GTF2A1L: variants seen among roughly 807,000 people sequenced by gnomAD.
The protein encoded by GTF2A1L is general transcription factor IIA subunit 1 like.
A neutral mutation model predicts 49.7 loss-of-function variants in GTF2A1L; 48 were observed. The observed-to-expected ratio is 0.97, with a 90% CI of 0.77 to 1.23. The LOEUF is 1.23. GTF2A1L is among the 50% of genes most tolerant of loss of function. The pLI is 0.00. For missense variants in GTF2A1L, 736 were observed against 564.8 expected, an observed-to-expected ratio of 1.30 and a Z score of -3.07; for synonymous variants, 246 against 193.5, an observed-to-expected ratio of 1.27 and a Z score of -2.25.
chr2:48,664,051 C>T (rs1174869481), intron 6 of GTF2A1L, among the ~76,000 whole-genome samples: 13 of 151,858 alleles, frequency 8.6e-5, no homozygotes, highest in Admixed American at 8.5e-4. Flanking sequence ...TTTTGTAGAC[C>T]ATTTGGGGTT....
At chr2:48,658,987 C>T (rs937449519) in intron 6 of GTF2A1L, among the ~76,000 whole-genome samples, 1 of 152,056 alleles carries the variant, frequency 6.6e-6, no homozygotes, top group Non-Finnish European at 1.5e-5. Context: ...GTTGGAATTT[C>T]TTTCCTTTAA....
At chr2:48,663,879 C>T (rs1217189010) in intron 6 of GTF2A1L, among the ~76,000 whole-genome samples, 1 of 152,168 alleles carries the variant, frequency 6.6e-6, no homozygotes, top group Non-Finnish European at 1.5e-5. Flanking sequence ...TCCCAAAGTG[C>T]TGAGATTACA....
intron 3 of GTF2A1L, among the ~76,000 whole-genome samples, chr2:48,631,734 C>G (rs1297187038): frequency 6.6e-6 from 1 of 151,990 alleles, no homozygotes; most frequent in Non-Finnish European, 1.5e-5. Context: ...TCTAGTTCCT[C>G]TAGGTTTGAT....
chr2:48,646,123 A>C (rs933951440), intron 5 of GTF2A1L, among the ~76,000 whole-genome samples: 1 of 152,120 alleles, frequency 6.6e-6, no homozygotes, highest in African/African-American at 2.4e-5. Context: ...TTTGGCTGAT[A>C]ACATTAATTT....
At chr2:48,677,510 G>T (rs1189240407) in intron 8 of GTF2A1L, among the ~76,000 whole-genome samples, 6 of 152,072 alleles carry the variant, frequency 3.9e-5, no homozygotes, top group African/African-American at 1.4e-4. Flanking sequence ...AGCAGTAAGT[G>T]AGGAAAAATA....
chr2:48,646,880 A>G lies in GTF2A1L; in HGVS notation c.816A>G (p.Gln272=), dbSNP rs1916840. Residue 272 remains glutamine (Q), a synonymous_variant, in exon 6 of 9, where the codon CAA becomes CAG. Coordinates refer to ENST00000403751, the MANE Select transcript of GTF2A1L (RefSeq NM_006872.5). ...TCAGTGGTTCAGCTAGCATGGCTCA[A>G]AATCTGCATGATGAGTCCCTCTCCA... ...SVLSGSASMA[Q]NLHDESLSTS... is the part of the protein sequence containing the mutation. 2.4e-5 allele frequency: 39 copies of G among 1,614,258 alleles called. No homozygotes were observed. In the African/African-American group the frequency reaches 4.5e-4, roughly 19 times the overall value.
At chr2:48,626,581 C>CT (rs986694770) in intron 3 of GTF2A1L, among the ~76,000 whole-genome samples, 21 of 141,836 alleles carry the variant, frequency 1.5e-4, no homozygotes, top group African/African-American at 3.7e-4. Context: ...GTGTACATAT[C>CT]TTTTTTTTTG....
At chr2:48,619,109 G>C (rs1256232198) in intron 1 of GTF2A1L, among the ~76,000 whole-genome samples, 1 of 152,154 alleles carries the variant, frequency 6.6e-6, no homozygotes, top group Non-Finnish European at 1.5e-5. Context: ...AAATGTTACT[G>C]ATTGGCCTAT....
rs1675945340 is a variant in GTF2A1L at position 48,620,787 on chromosome 2, A to AG, written c.22-64_22-63insG. On this transcript the variant is annotated intron_variant, in intron 1 of 8. Transcript: ENST00000403751. ...GCATGACTCCATCTCAAGAATAAAT[A>AG]AATAAATAAATAAATAAATAAATAA... is the stretch of plus-strand genomic sequence containing the variant. 27 of 795,834 alleles carry AG rather than the reference A, an allele frequency of 3.4e-5. 1 individual carries two copies. Among genetic ancestry groups the AG allele is most frequent in the African/African-American group, 2.5e-4 (13 of 52,688 alleles). The allele number at this position is 795,834 out of a possible 1,614,324, so 49.3% of individuals were successfully genotyped here.
chr2:48,673,928 CA>C (rs1490382879), intron 8 of GTF2A1L, among the ~76,000 whole-genome samples: 1 of 152,042 alleles, frequency 6.6e-6, no homozygotes, highest in Admixed American at 6.5e-5. Flanking sequence ...TGGCCTGGTT[CA>C]GGGGAGAAGG....
At chr2:48,656,264 C>G (rs767644145) in intron 6 of GTF2A1L, among the ~76,000 whole-genome samples, 1 of 151,360 alleles carries the variant, frequency 6.6e-6, no homozygotes, top group Non-Finnish European at 1.5e-5. Flanking sequence ...CATACAGTTT[C>G]CATAGAGGCT....
chr2:48,618,788 A>G (rs977271317), intron 1 of GTF2A1L, among the ~76,000 whole-genome samples: 43 of 152,352 alleles, frequency 2.8e-4, no homozygotes, highest in African/African-American at 1.0e-3. Flanking sequence ...TAGAGGAGTT[A>G]AGATGGACTA....
At chr2:48,674,850 C>A (rs1366128509) in intron 8 of GTF2A1L, among the ~76,000 whole-genome samples, 1 of 152,014 alleles carries the variant, frequency 6.6e-6, no homozygotes, top group African/African-American at 2.4e-5. Context: ...TAAATATACA[C>A]TGCTAACAAA....
chr2:48,673,604 C>G (rs1425279830), intron 8 of GTF2A1L, among the ~76,000 whole-genome samples: 3 of 151,990 alleles, frequency 2.0e-5, no homozygotes, highest in Admixed American at 1.3e-4. Context: ...CGTGATCTAC[C>G]CACCTGGGAA....
chr2:48,671,784 A>G (rs1333055094), intron 8 of GTF2A1L, 104 bp downstream of exon 8: 4 of 1,112,014 alleles, frequency 3.6e-6, no homozygotes, highest in Non-Finnish European at 5.1e-6. Context: ...TTCACAATTA[A>G]TCAAAACAGC....
chr2:48,646,027 C>G (rs1301988394), intron 5 of GTF2A1L, among the ~76,000 whole-genome samples: 1 of 151,370 alleles, frequency 6.6e-6, no homozygotes, highest in African/African-American at 2.4e-5. Context: ...TCATTAAACT[C>G]TCTTTTGGAT....
intron 6 of GTF2A1L, among the ~76,000 whole-genome samples, chr2:48,663,957 A>G (rs150572089): frequency 7.9e-5 from 12 of 152,332 alleles, no homozygotes; most frequent in Middle Eastern, 3.4e-3. Flanking sequence ...GTTTATTGCT[A>G]CTATATAGAT....
intron 6 of GTF2A1L, among the ~76,000 whole-genome samples, chr2:48,659,424 A>C (rs180780732): frequency 2.4e-4 from 37 of 152,174 alleles, no homozygotes; most frequent in African/African-American, 7.9e-4. Flanking sequence ...TTTCAATTTG[A>C]TTCTTCTTTT....
In GTF2A1L at chr2:48,620,950, C is replaced by G. The variant is rs769986893; in HGVS notation, c.121C>G (p.Gln41Glu). The G allele has an allele frequency of 1.5e-5, 24 of 1,595,732 alleles. No homozygotes were observed. The highest frequency in any genetic ancestry group is 2.0e-5 in the Non-Finnish European group (24 of 1,174,446). ...GGAACAAGTTTTAAAAGACTTGAAG[C>G]AGGTTTGTAGCCGATACAACTTTTT... ...IEEQVLKDLK[Q>E]LWETKVLQSK... The change falls in exon 2 of 9, where the codon CAG (glutamine) becomes GAG (glutamate). Residue 41 changes from glutamine (Q) to glutamate (E), a missense_variant and splice_region_variant. By Grantham distance (29) the Gln-to-Glu change is conservative. Transcript: ENST00000403751.
Sources: gnomAD v4.1 joint callset for allele counts (sites outside exome capture counted in the v4.1 genomes callset) on GRCh38, gnomAD v4.1.1 for gene constraint, MANE v1.5 for transcripts, NCBI Gene and HGNC (gene_info 2026-07-23, HGNC 2026-07-21) for gene names.